SORCS1: variants seen among roughly 807,000 people sequenced by gnomAD.
The protein encoded by SORCS1 is sortilin related VPS10 domain containing receptor 1, also known as VPS10 domain-containing receptor SorCS1.
Under a neutral mutation model 146.1 loss-of-function variants are expected in SORCS1, and 60 were observed. That is an observed-to-expected ratio of 0.41 (90% CI 0.33 to 0.51). The LOEUF (loss-of-function observed/expected upper bound fraction) is 0.51. Ranked by LOEUF, SORCS1 falls within the 20% of genes least tolerant of loss-of-function variation. The probability of loss-of-function intolerance (pLI) is 0.21; values close to 1 mark genes in which losing one functional copy is unlikely to be tolerated. For synonymous variants in SORCS1, 637 were observed against 584.0 expected (o/e 1.09, Z -1.31); for missense variants, 1,352 against 1,487.6 (o/e 0.91, Z 1.50).
At chr10:107,001,238 T>G (rs998467520) in intron 1 of SORCS1, among the ~76,000 whole-genome samples, 2 of 152,090 alleles carry the variant, frequency 1.3e-5, no homozygotes, top group African/African-American at 2.4e-5. Flanking sequence ...AAAGGGAATA[T>G]GGTTATGTTG....
chr10:106,870,943 C>A (rs1480011483), intron 2 of SORCS1, among the ~76,000 whole-genome samples: 1 of 152,054 alleles, frequency 6.6e-6, no homozygotes, highest in Admixed American at 6.5e-5. Context: ...AAAATATTTG[C>A]AAACTATGCA....
At chr10:107,051,601 C>G (rs1302440543) in intron 1 of SORCS1, among the ~76,000 whole-genome samples, 1 of 152,042 alleles carries the variant, frequency 6.6e-6, no homozygotes, top group Non-Finnish European at 1.5e-5. Context: ...TTTTGAAGCC[C>G]ATTTGTATAA....
intron 2 of SORCS1, among the ~76,000 whole-genome samples, chr10:106,831,743 T>C (rs1589499916): frequency 6.6e-6 from 1 of 152,060 alleles, no homozygotes; most frequent in African/African-American, 2.4e-5. Flanking sequence ...AATTTATACA[T>C]AGATGGCAAA....
chr10:107,044,373 T>A (rs1252967976), intron 1 of SORCS1, among the ~76,000 whole-genome samples: 1 of 151,780 alleles, frequency 6.6e-6, no homozygotes, highest in Admixed American at 6.6e-5. Flanking sequence ...CACACACACA[T>A]GCTTTCCCCC....
chr10:107,141,894 G>A (rs1661043294), intron 1 of SORCS1, among the ~76,000 whole-genome samples: 1 of 152,194 alleles, frequency 6.6e-6, no homozygotes, highest in Admixed American at 6.5e-5. Flanking sequence ...AAAAACACCA[G>A]CATTCACCTT....
chr10:106,862,812 T>C (rs1421758794), intron 2 of SORCS1, among the ~76,000 whole-genome samples: 1 of 146,020 alleles, frequency 6.8e-6, no homozygotes, highest in African/African-American at 2.5e-5. Context: ...AAAAAAAGTT[T>C]CAGCATTCTG....
intron 3 of SORCS1, among the ~76,000 whole-genome samples, chr10:106,829,348 T>C (rs1948437925): frequency 6.6e-6 from 1 of 152,216 alleles, no homozygotes; most frequent in Admixed American, 6.5e-5. Context: ...TAGCTGCCTT[T>C]TGGAAATGGT....
chr10:106,702,012 C>T (rs1287037761), intron 8 of SORCS1, among the ~76,000 whole-genome samples: 1 of 152,156 alleles, frequency 6.6e-6, no homozygotes, highest in Admixed American at 6.5e-5. Context: ...TACTCAAGTC[C>T]TAACTATATA....
intron 5 of SORCS1, among the ~76,000 whole-genome samples, chr10:106,742,416 G>A (rs1385864392): frequency 3.9e-5 from 6 of 152,000 alleles, no homozygotes; most frequent in African/African-American, 1.5e-4. Context: ...GTCTAGCTCT[G>A]TTGCCCAGGC....
Position 106,757,616 on chromosome 10 carries a change from C to T in SORCS1, c.959+3972G>A, listed in dbSNP as rs564130988. ...CTATGCAATTTACGAGTTCCCATGC[C>T]TTCTCTAGAAAAATCATCCAAGCTT... On this transcript the variant is annotated intron_variant, in intron 5 of 25. Transcript: ENST00000263054. Among the ~76,000 whole-genome samples, 11 of 152,302 alleles carry T rather than the reference C, an allele frequency of 7.2e-5. No individual in the cohort carries two copies. The East Asian group carries it at 2.1e-3, about 29-fold the overall frequency.
chr10:106,737,720 T>C (rs1477533167), intron 5 of SORCS1, among the ~76,000 whole-genome samples: 5 of 151,382 alleles, frequency 3.3e-5, no homozygotes, highest in Non-Finnish European at 7.4e-5. Context: ...CAAAAAAGGA[T>C]AAAAGTATGT....
At chr10:107,109,099 G>A (rs556303929) in intron 1 of SORCS1, among the ~76,000 whole-genome samples, 28 of 152,298 alleles carry the variant, frequency 1.8e-4, no homozygotes, top group Non-Finnish European at 3.5e-4. Context: ...ACAGTGTGTT[G>A]AGTGCCTGAG....
intron 1 of SORCS1, among the ~76,000 whole-genome samples, chr10:107,016,203 C>T (rs963131374): frequency 3.3e-4 from 50 of 152,124 alleles, no homozygotes; most frequent in East Asian, 1.2e-3. Context: ...ACAAGACATA[C>T]GTGCATAATA....
At chr10:107,095,370 C>T (rs552832011) in intron 1 of SORCS1, among the ~76,000 whole-genome samples, 185 of 152,252 alleles carry the variant, frequency 1.2e-3, no homozygotes, top group African/African-American at 4.1e-3. Context: ...CCGAAGGGTA[C>T]ACATTGACCT....
At chr10:107,136,474 G>A (rs1214820445) in intron 1 of SORCS1, among the ~76,000 whole-genome samples, 1 of 152,140 alleles carries the variant, frequency 6.6e-6, no homozygotes, top group Non-Finnish European at 1.5e-5. Context: ...GTTTGCTGCA[G>A]TAGTAAAGGG....
chr10:106,914,530 G>A (rs1242147817), intron 2 of SORCS1, among the ~76,000 whole-genome samples: 2 of 152,142 alleles, frequency 1.3e-5, no homozygotes, highest in Non-Finnish European at 2.9e-5. Context: ...AACCAAGTAA[G>A]ACTGTGAAAT....
intron 24 of SORCS1, among the ~76,000 whole-genome samples, chr10:106,580,207 G>C (rs775037926): frequency 6.6e-6 from 1 of 152,072 alleles, no homozygotes; most frequent in Non-Finnish European, 1.5e-5. Context: ...GAGGGTAGCC[G>C]CGGAGATGCT....
In SORCS1 at chr10:106,577,364, C is replaced by G. The variant is rs543688362; in HGVS notation, c.*56G>C. On this transcript the variant is annotated 3_prime_UTR_variant, in exon 26 of 26. Coordinates refer to ENST00000263054, the MANE Select transcript of SORCS1 (RefSeq NM_052918.5). ...TGGTCATGAAGGATGATGTACTTGA[C>G]AAGAGCGAAATTCTTTCCTGATCAG... 2.4e-5 allele frequency: 39 copies of G among 1,612,762 alleles called. No individual in the cohort carries two copies. In the East Asian group the frequency reaches 8.7e-4, roughly 36 times the overall value.
chr10:107,164,586 T>A lies in SORCS1; in HGVS notation c.-60A>T. 1 of 1,277,972 alleles carries A rather than the reference T, an allele frequency of 7.8e-7. No individual in the cohort carries two copies. The highest frequency in any genetic ancestry group is 9.9e-7 in the Non-Finnish European group (1 of 1,006,336). The allele number at this position is 1,277,972 out of a possible 1,614,324, so 79.2% of individuals were successfully genotyped here. A position where few individuals can be genotyped will look rare whatever the true frequency, so the allele number is the denominator to read the frequency against. ...AGAACGAAGGTGGCGGCACGAGCTC[T>A]GCGCTGGCGGCTGTGGGGGGCCGGC... On this transcript the variant is annotated 5_prime_UTR_variant, in exon 1 of 26. Coordinates refer to ENST00000263054, the MANE Select transcript of SORCS1 (RefSeq NM_052918.5). This position sits in a 1 kb window ranked among gnomAD's most constrained non-coding sequence, Gnocchi z 6.8.
Sources: allele counts gnomAD v4.1 joint callset (sites outside exome capture counted in the v4.1 genomes callset), GRCh38; gene constraint gnomAD v4.1.1; non-coding constraint Gnocchi (gnomAD v3.1); transcripts MANE v1.5; gene names NCBI Gene and HGNC (gene_info 2026-07-23, HGNC 2026-07-21).